The following ALMS1 variants were observed in gnomAD, a reference collection of about 807,000 sequenced individuals.
The protein encoded by ALMS1 is centrosome-associated protein ALMS1.
ALMS1 carries 271 observed loss-of-function variants against 352.2 expected under a neutral mutation model. That is an observed-to-expected ratio of 0.77 (90% CI 0.70 to 0.85). The LOEUF (loss-of-function observed/expected upper bound fraction) is 0.85. Among genes scored for constraint, ALMS1 ranks in the 40% least tolerant of loss-of-function variants. The probability of loss-of-function intolerance (pLI) is 0.00; values close to 1 mark genes in which losing one functional copy is unlikely to be tolerated. For missense variants in ALMS1, 5,445 were observed against 4,870.7 expected (o/e 1.12, Z -3.51); for synonymous variants, 1,865 against 1,761.2 (o/e 1.06, Z -1.48).
In ALMS1 at chr2:73,573,118, A is replaced by G; in HGVS notation, c.11241A>G (p.Thr3747=). The G allele has an allele frequency of 6.2e-7, 1 of 1,614,082 alleles. No homozygotes were observed. The highest frequency in any genetic ancestry group is 8.5e-7 in the Non-Finnish European group (1 of 1,179,998). The change falls in exon 16 of 23, where the codon ACA becomes ACG. Residue 3747 remains threonine, a synonymous_variant. Transcript: ENST00000613296. ...CCTCAGAGGAGAGTGAGCTGCTCAC[A>G]GATACTACCACCAACATCCTTTCCG... ...CRPSEESELL[T]DTTTNILSGT...
chr2:73,507,327 T>C (rs934344240), intron 10 of ALMS1, among the ~76,000 whole-genome samples: 1 of 152,202 alleles, frequency 6.6e-6, no homozygotes, highest in Admixed American at 6.5e-5. Context: ...CTTTTTCTAT[T>C]GTTTGGAATA....
chr2:73,473,666 C>CA (rs1405867331), intron 9 of ALMS1, among the ~76,000 whole-genome samples: 2 of 151,150 alleles, frequency 1.3e-5, no homozygotes, highest in African/African-American at 2.4e-5. Flanking sequence ...GATTTCCCAC[C>CA]AAAAAGAAAT....
At chr2:73,387,084 A>G (rs1405547144) in intron 1 of ALMS1, among the ~76,000 whole-genome samples, 1 of 152,254 alleles carries the variant, frequency 6.6e-6, no homozygotes, top group East Asian at 1.9e-4. Context: ...AGTGGCTACC[A>G]TGTTGGACAG....
At chr2:73,494,701 C>A (rs1363108275) in intron 10 of ALMS1, among the ~76,000 whole-genome samples, 2 of 152,180 alleles carry the variant, frequency 1.3e-5, no homozygotes, top group East Asian at 3.8e-4. Flanking sequence ...ATTCTCAACA[C>A]GTCACAACAG....
intron 22 of ALMS1, 36 bp from the exon 23 acceptor site, chr2:73,609,532 A>T: frequency 6.2e-7 from 1 of 1,609,980 alleles, no homozygotes; most frequent in Non-Finnish European, 8.5e-7. Context: ...TGGCAGTAAT[A>T]TCTAACTTCT....
chr2:73,592,007 T>G (rs911338261), intron 16 of ALMS1, among the ~76,000 whole-genome samples: 1 of 152,224 alleles, frequency 6.6e-6, no homozygotes, highest in Non-Finnish European at 1.5e-5. Flanking sequence ...ATTAGAGTTT[T>G]TTTTACCTTA....
intron 16 of ALMS1, among the ~76,000 whole-genome samples, chr2:73,597,464 G>A (rs1675575828): frequency 6.6e-6 from 1 of 151,996 alleles, no homozygotes; most frequent in African/African-American, 2.4e-5. Flanking sequence ...TACTTTTTTA[G>A]TACCTAACAT....
chr2:73,556,506 G>C (rs562025266), intron 13 of ALMS1, among the ~76,000 whole-genome samples: 6 of 152,122 alleles, frequency 3.9e-5, no homozygotes, highest in African/African-American at 1.4e-4. Flanking sequence ...GATGATAAAA[G>C]TGCTTTTCTT....
rs377039331 is a variant in ALMS1, at chr2:73,474,371, C to CTGTGTGTG, written c.7675-15231_7675-15224dup. On this transcript the variant is annotated intron_variant, in intron 9 of 22. Coordinates refer to ENST00000613296, the MANE Select transcript of ALMS1 (RefSeq NM_001378454.1). ...TTTTACTTTTTAGTGCTTGTTGACT[C>CTGTGTGTG]TGTGTGTGTGTGTGTGTGTGTGTGT... is the stretch of plus-strand genomic sequence containing the variant. Among the ~76,000 whole-genome samples the CTGTGTGTG allele has an allele frequency of 4.2e-3, 400 of 95,548 alleles. 1 individual carries two copies. The highest frequency in any genetic ancestry group is 0.015 in the Admixed American group (125 of 8,512). 62.7% of individuals were successfully genotyped at this position (95,548 alleles called of 152,430 possible).
At chr2:73,553,712 C>T (rs893645255) in intron 13 of ALMS1, among the ~76,000 whole-genome samples, 1 of 152,004 alleles carries the variant, frequency 6.6e-6, no homozygotes, top group African/African-American at 2.4e-5. Flanking sequence ...TCACTCAGAC[C>T]ATTATTTATG....
intron 16 of ALMS1, among the ~76,000 whole-genome samples, chr2:73,586,130 C>G (rs775529352): frequency 9.9e-5 from 15 of 152,152 alleles, no homozygotes; most frequent in Middle Eastern, 6.8e-3. Flanking sequence ...ATTATTTGTT[C>G]TTTTCTTGAT....
rs373453289 is a variant in ALMS1, at chr2:73,450,896, G to T, written c.4369G>T (p.Val1457Phe). The change falls in exon 8 of 23, where the codon GTT (valine) becomes TTT (phenylalanine). Residue 1457 changes from valine to phenylalanine, a missense_variant. Coordinates refer to ENST00000613296, the MANE Select transcript of ALMS1 (RefSeq NM_001378454.1). ...ACCTGAAGAGGCTTTGGAAGTTTCA[G>T]TTGCTCCTGGACCAGTTGACCAGAC... ...HLPEEALEVSVAPGPVDQTIG... is the reference protein window; with the variant it reads ...HLPEEALEVSFAPGPVDQTIG... 4.3e-6 allele frequency: 7 copies of T among 1,613,850 alleles called. No individual in the cohort carries two copies. Among genetic ancestry groups the T allele is most frequent in the African/African-American group, 4.0e-5 (3 of 74,858 alleles).
At chr2:73,513,629 T>C (rs917500310) in intron 10 of ALMS1, among the ~76,000 whole-genome samples, 4 of 152,252 alleles carry the variant, frequency 2.6e-5, no homozygotes, top group Middle Eastern at 3.4e-3. Context: ...TCTGTGTAGG[T>C]ATTTTCCTTC....
chr2:73,540,276 A>G (rs551952189), intron 12 of ALMS1, among the ~76,000 whole-genome samples: 35 of 152,328 alleles, frequency 2.3e-4, no homozygotes, highest in African/African-American at 7.5e-4. Context: ...ACTAAGCTTC[A>G]TAAGTGAAGG....
intron 1 of ALMS1, among the ~76,000 whole-genome samples, chr2:73,405,078 T>TTTTC: frequency 6.6e-6 from 1 of 151,424 alleles, no homozygotes; most frequent in East Asian, 1.9e-4. Flanking sequence ...TGTCCAGCTA[T>TTTTC]TTTCGTTGTA....
At chr2:73,397,710 C>T (rs1479911466) in intron 1 of ALMS1, among the ~76,000 whole-genome samples, 1 of 152,162 alleles carries the variant, frequency 6.6e-6, no homozygotes, top group Admixed American at 6.5e-5. Context: ...TCAGGTGATC[C>T]ACCTGCCTCG....
intron 1 of ALMS1, among the ~76,000 whole-genome samples, chr2:73,402,604 C>G (rs974578314): frequency 6.6e-6 from 1 of 152,066 alleles, no homozygotes; most frequent in Non-Finnish European, 1.5e-5. Flanking sequence ...TACTGTTTTC[C>G]GCAATTGCTG....
rs755944454 is a variant in ALMS1, at chr2:73,449,768, GGACCAGCT to G, written c.3248_3255del (p.Ala1083AspfsTer3). On this transcript the variant is annotated frameshift_variant, in exon 8 of 23. Transcript: ENST00000613296. LOFTEE classifies it high-confidence loss of function. The stretch of plus-strand genomic sequence containing the variant: ...GAGTCTGAAAGTTTCAGCCTTCCCT[GGACCAGCT>G]GACCAGATGACTGACACACCAGCAG... 2 of 1,614,064 alleles carry G rather than the reference GGACCAGCT, an allele frequency of 1.2e-6. No individual in the cohort carries two copies. The highest frequency in any genetic ancestry group is 1.7e-6 in the Non-Finnish European group (2 of 1,179,980).
chr2:73,546,456 G>A (rs1674321861), intron 12 of ALMS1, among the ~76,000 whole-genome samples: 1 of 152,168 alleles, frequency 6.6e-6, no homozygotes, highest in African/African-American at 2.4e-5. Context: ...CAGATACACT[G>A]TGGTAGGTGT....
Sources: gnomAD v4.1 joint callset for allele counts (sites outside exome capture counted in the v4.1 genomes callset) on GRCh38, gnomAD v4.1.1 for gene constraint, MANE v1.5 for transcripts, NCBI Gene and HGNC (gene_info 2026-07-23, HGNC 2026-07-21) for gene names.